ADAMTS8: variants seen among roughly 807,000 people sequenced by gnomAD.
The protein encoded by ADAMTS8 is A disintegrin and metalloproteinase with thrombospondin motifs 8.
In ADAMTS8, 50 loss-of-function variants were observed where a neutral mutation model predicts 64.4. The ratio of observed to expected loss-of-function variants is 0.78; its 90% CI spans 0.62 to 0.98. ADAMTS8 has a LOEUF of 0.98. Ranked by LOEUF, ADAMTS8 falls within the 50% of genes least tolerant of loss-of-function variation. The pLI, the probability that ADAMTS8 is intolerant of heterozygous loss-of-function variation, is 0.00. For missense variants in ADAMTS8, 1,192 were observed against 1,208.2 expected, an observed-to-expected ratio of 0.99 and a Z score of 0.20; for synonymous variants, 556 against 533.6, an observed-to-expected ratio of 1.04 and a Z score of -0.58.
chr11:130,427,667 GC>G lies in ADAMTS8; in HGVS notation c.619del (p.Ala207ProfsTer38). On this transcript the variant is annotated frameshift_variant, in exon 1 of 9. Coordinates refer to ENST00000257359, the MANE Select transcript of ADAMTS8 (RefSeq NM_007037.6). LOFTEE classifies it high-confidence loss of function. ...GASEPPPPLG[A>X]TSRTKRFVSE... ...CACAAACCGCTTGGTCCTACTCGTGGCCCCCAGGGGCGGTGGCGGCTCGCTA... is the reference window on the plus strand; with the variant it reads ...CACAAACCGCTTGGTCCTACTCGTGGCCCCAGGGGCGGTGGCGGCTCGCTA... The G allele has an allele frequency of 6.3e-7, 1 of 1,595,720 alleles. No individual in the cohort carries two copies. Among genetic ancestry groups the G allele is most frequent in the Non-Finnish European group, 8.5e-7 (1 of 1,172,998 alleles).
At chr11:130,418,578 T>C (rs1054513141) in intron 2 of ADAMTS8, among the ~76,000 whole-genome samples, 14 of 152,242 alleles carry the variant, frequency 9.2e-5, no homozygotes, top group African/African-American at 3.1e-4. Context: ...CTTATGAGAC[T>C]GAAGGAGCAG....
intron 8 of ADAMTS8, among the ~76,000 whole-genome samples, chr11:130,406,557 A>G (rs1485260794): frequency 6.6e-6 from 1 of 152,288 alleles, no homozygotes; most frequent in East Asian, 1.9e-4. Flanking sequence ...CCCACATGGA[A>G]AAAACTGTTC....
chr11:130,427,520 C>T (rs1862184485), intron 1 of ADAMTS8, 47 bp downstream of exon 1: 1 of 1,324,446 alleles, frequency 7.6e-7, no homozygotes, highest in Non-Finnish European at 9.9e-7. Context: ...TGGGAGGCGT[C>T]TGGGGGGCCT....
rs1862208540 is a variant in ADAMTS8, at chr11:130,428,244, GC to G, written c.42del (p.Leu15CysfsTer61). The G allele has an allele frequency of 4.1e-6, 5 of 1,226,476 alleles. No homozygotes were observed. Among genetic ancestry groups the G allele is most frequent in the Non-Finnish European group, 4.0e-6 (4 of 989,366 alleles). 76.0% of individuals were successfully genotyped at this position (1,226,476 alleles called of 1,614,324 possible). On this transcript the variant is annotated frameshift_variant, in exon 1 of 9. Transcript: ENST00000257359. LOFTEE classifies it high-confidence loss of function. ...APAAPRWPPL[L>X]LLLLLLLPLA... ...AGCGGCAGCAGCAGCAGCAGCAGCA[GC>G]AGGAGCGGAGGCCACCGGGGGGCGG... is the stretch of plus-strand genomic sequence containing the variant.
chr11:130,416,295 G>GCTTGGAGTCGT lies in ADAMTS8; in HGVS notation c.1121_1131dup (p.Pro378ThrfsTer18). 3.8e-6 allele frequency: 6 copies of GCTTGGAGTCGT among 1,574,230 alleles called. No homozygotes were observed. The highest frequency in any genetic ancestry group is 4.3e-6 in the Non-Finnish European group (5 of 1,160,198). On this transcript the variant is annotated frameshift_variant, in exon 4 of 9. Transcript: ENST00000257359. LOFTEE classifies it high-confidence loss of function. The surrounding 1 kb of genome is among the most constrained non-coding windows in gnomAD (Gnocchi z 4.8). ...ATGGGCCCGAAGAGCCGTGTGCAGGGCTTGGAGTCGTCGTGGGGCATGCTG... is the reference window on the plus strand; with the variant it reads ...ATGGGCCCGAAGAGCCGTGTGCAGGGCTTGGAGTCGTCTTGGAGTCGTCGTGGGGCATGCTG...
At chr11:130,409,591 A>T (rs886418877) in intron 6 of ADAMTS8, among the ~76,000 whole-genome samples, 2 of 152,040 alleles carry the variant, frequency 1.3e-5, no homozygotes, top group African/African-American at 2.4e-5. Context: ...CTATTTCCAA[A>T]CTGTCACAAA....
Position 130,414,744 on chromosome 11 carries a change from C to T in ADAMTS8, c.1353G>A (p.Gln451=). Residue 451 remains glutamine, a synonymous_variant, in exon 5 of 9, where the codon CAG becomes CAA. Transcript: ENST00000257359. ...GRMALYQLDQ[Q]CRQIFGPDFR... is the part of the protein sequence containing the mutation. ...AATCCGGCCCAAAGATCTGCCTGCA[C>T]TGCTGGTCCAGCTGGTACAGGGCCA... The T allele has an allele frequency of 1.2e-6, 2 of 1,613,588 alleles. No individual in the cohort carries two copies. The highest frequency in any genetic ancestry group is 2.2e-5 in the East Asian group (1 of 44,876).
At position 130,417,085 on chromosome 11, in the gene ADAMTS8, G is replaced by A. The variant is rs758717743; in HGVS notation, c.961-10C>T. On this transcript the variant is annotated splice_polypyrimidine_tract_variant and intron_variant, in intron 2 of 8. Coordinates refer to ENST00000257359, the MANE Select transcript of ADAMTS8 (RefSeq NM_007037.6). ...CCTGCCCACAGAAGTTCTGCGTGGC[G>A]GGGAGAGAGCAAGAGAGTGCATCAG... 87 of 1,613,522 alleles carry A rather than the reference G, an allele frequency of 5.4e-5. No homozygotes were observed. Among genetic ancestry groups the A allele is most frequent in the Admixed American group, 1.3e-4 (8 of 60,002 alleles).
intron 5 of ADAMTS8, among the ~76,000 whole-genome samples, chr11:130,412,877 ACTTT>A (rs1323114772): frequency 1.3e-5 from 2 of 150,992 alleles, no homozygotes; most frequent in Non-Finnish European, 1.5e-5. Flanking sequence ...TTTCTTTCTC[ACTTT>A]CTTTCTTTCT....
Position 130,411,633 on chromosome 11 carries a change from C to A in ADAMTS8, c.1567-33G>T. 6.2e-7 allele frequency: 1 copy of A among 1,609,912 alleles called. No homozygotes were observed. The highest frequency in any genetic ancestry group is 8.5e-7 in the Non-Finnish European group (1 of 1,177,188). ...ATACAATGGCACACTGAATGAGGAG[C>A]AAAGGCCAGGAGGCTTCAGTATCTG... is the stretch of plus-strand genomic sequence containing the variant. On this transcript the variant is annotated intron_variant, in intron 5 of 8. Coordinates refer to ENST00000257359, the MANE Select transcript of ADAMTS8 (RefSeq NM_007037.6). The surrounding 1 kb of genome is among the most constrained non-coding windows in gnomAD (Gnocchi z 4.2).
rs1592126586 is a variant in ADAMTS8 at position 130,405,755 on chromosome 11, T to C, written c.2473A>G (p.Thr825Ala). 6.2e-7 allele frequency: 1 copy of C among 1,614,048 alleles called. No homozygotes were observed. Among genetic ancestry groups the C allele is most frequent in the Admixed American group, 1.7e-5 (1 of 60,016 alleles). ...SMQSSKERAT[T>A]NIIQPLLHAQ... Reference sequence around the variant, plus strand: ...TGGAGCAGCGGCTGGATGATGTTGGTGGTTGCTCTCTCTTTGCTGCTCTGC... The same window carrying C: ...TGGAGCAGCGGCTGGATGATGTTGGCGGTTGCTCTCTCTTTGCTGCTCTGC... The change falls in exon 9 of 9, where the codon ACC becomes GCC. Residue 825 changes from threonine to alanine, a missense_variant. Coordinates refer to ENST00000257359, the MANE Select transcript of ADAMTS8 (RefSeq NM_007037.6).
At chr11:130,426,723 T>C (rs1862171185) in intron 1 of ADAMTS8, among the ~76,000 whole-genome samples, 1 of 152,192 alleles carries the variant, frequency 6.6e-6, no homozygotes, top group Non-Finnish European at 1.5e-5. Context: ...TCCCCTGGAC[T>C]CTGTTTTTCT....
chr11:130,423,859 A>C (rs1862130381), intron 1 of ADAMTS8, among the ~76,000 whole-genome samples: 1 of 152,228 alleles, frequency 6.6e-6, no homozygotes, highest in Non-Finnish European at 1.5e-5. Context: ...GAGTCTTCCC[A>C]GGTGGTCCCT....
rs768529823 is a variant in ADAMTS8 at position 130,428,060 on chromosome 11, G to A, written c.227C>T (p.Ala76Val). The A allele has an allele frequency of 6.5e-7, 1 of 1,533,404 alleles. No individual in the cohort carries two copies. The highest frequency in any genetic ancestry group is 8.7e-7 in the Non-Finnish European group (1 of 1,147,720). 95.0% of individuals were successfully genotyped at this position (1,533,404 alleles called of 1,614,324 possible). A position where few individuals can be genotyped will look rare whatever the true frequency, so the allele number is the denominator to read the frequency against. ...GAGGCGCTCGATCTTGAACTCGGGC[G>A]CTAGGAAGCTGTCGTCGGGCGCCAG... ...LRLAPDDSFLAPEFKIERLGG... is the reference protein window; with the variant it reads ...LRLAPDDSFLVPEFKIERLGG... The change falls in exon 1 of 9, where the codon GCG (alanine) becomes GTG (valine). Residue 76 changes from alanine to valine, a missense_variant. Ala to Val is a moderately conservative substitution (Grantham distance 64). Transcript: ENST00000257359.
rs151203323 is a variant in ADAMTS8 at position 130,415,449 on chromosome 11, G to A, written c.1265-617C>T. On this transcript the variant is annotated intron_variant, in intron 4 of 8. Coordinates refer to ENST00000257359, the MANE Select transcript of ADAMTS8 (RefSeq NM_007037.6). Reference sequence around the variant, plus strand: ...CTCCTGAGTAGCTAGGACTACAGGCGTGTGCTACCACGCCTGGCTAATTTT... The same window carrying A: ...CTCCTGAGTAGCTAGGACTACAGGCATGTGCTACCACGCCTGGCTAATTTT... 1.8e-4 allele frequency among the ~76,000 whole-genome samples: 28 copies of A among 151,892 alleles called. 1 individual carries two copies. In the East Asian group the frequency reaches 4.5e-3, roughly 24 times the overall value.
chr11:130,413,131 A>G (rs557844427), intron 5 of ADAMTS8, among the ~76,000 whole-genome samples: 4 of 152,222 alleles, frequency 2.6e-5, no homozygotes, highest in Non-Finnish European at 5.9e-5. Context: ...TCGGCCTCCC[A>G]AAGTGCTGGG....
In ADAMTS8 at chr11:130,405,137, G is replaced by C; in HGVS notation, c.*421C>G. The C allele has an allele frequency of 1.0e-6, 1 of 995,182 alleles. No individual in the cohort carries two copies. The highest frequency in any genetic ancestry group is 1.2e-6 in the Non-Finnish European group (1 of 836,366). The allele number at this position is 995,182 out of a possible 1,614,324, so 61.6% of individuals were successfully genotyped here. On this transcript the variant is annotated 3_prime_UTR_variant, in exon 9 of 9. Transcript: ENST00000257359. The stretch of plus-strand genomic sequence containing the variant: ...GGAGCCTGCTTTGACATTCACCATT[G>C]ACTCCCTGCCCCACGCCTCTCTTGT...
intron 6 of ADAMTS8, among the ~76,000 whole-genome samples, chr11:130,410,972 G>A (rs969171267): frequency 2.6e-5 from 4 of 152,152 alleles, no homozygotes; most frequent in African/African-American, 9.7e-5. Flanking sequence ...AGACCTTGGA[G>A]GTTTGGCTCT....
chr11:130,428,352 C>T lies in ADAMTS8; in HGVS notation c.-66G>A, dbSNP rs1050271385. The T allele has an allele frequency of 3.9e-5, 49 of 1,243,546 alleles. No individual in the cohort carries two copies. In the African/African-American group the frequency reaches 7.5e-4, roughly 19 times the overall value. 77.0% of individuals were successfully genotyped at this position (1,243,546 alleles called of 1,614,324 possible). On this transcript the variant is annotated 5_prime_UTR_variant, in exon 1 of 9. Coordinates refer to ENST00000257359, the MANE Select transcript of ADAMTS8 (RefSeq NM_007037.6). ...CCCGCCAGGCGCGGGCAGGTGCTGG[C>T]GGCCCGAGCGCGGCCCGGCCGCTCT...
Sources: allele counts gnomAD v4.1 joint callset (sites outside exome capture counted in the v4.1 genomes callset), GRCh38; gene constraint gnomAD v4.1.1; non-coding constraint Gnocchi (gnomAD v3.1); transcripts MANE v1.5; gene names NCBI Gene and HGNC (gene_info 2026-07-23, HGNC 2026-07-21).